SAYSD1: variants seen among roughly 807,000 people sequenced by gnomAD.
The protein encoded by SAYSD1 is SAYSvFN domain-containing protein 1.
In SAYSD1, 15 loss-of-function variants were observed where a neutral mutation model predicts 14.5. The observed-to-expected ratio is 1.03, with a 90% CI of 0.69 to 1.59. The LOEUF (loss-of-function observed/expected upper bound fraction) is 1.59, where lower values mean the gene tolerates loss of function less well. Ranked by LOEUF, SAYSD1 falls within the 40% of genes most tolerant of loss-of-function variation. SAYSD1 has a pLI of 0.00. For missense variants in SAYSD1, 247 were observed against 227.3 expected (o/e 1.09, Z -0.56); for synonymous variants, 105 against 102.6 (o/e 1.02, Z -0.14).
At chr6:39,105,940 G>A (rs999507377) in intron 1 of SAYSD1, among the ~76,000 whole-genome samples, 164 bp from the exon 2 acceptor site, 4 of 152,158 alleles carry the variant, frequency 2.6e-5, no homozygotes, top group Admixed American at 1.3e-4. Context: ...AAGAACCTAT[G>A]TGCTCTACTC....
intron 1 of SAYSD1, chr6:39,109,514 A>T: frequency 6.8e-7 from 1 of 1,462,884 alleles, no homozygotes; most frequent in South Asian, 1.4e-5. Context: ...GCTTGGCCCA[A>T]ATGGAGGCCG....
intron 1 of SAYSD1, among the ~76,000 whole-genome samples, chr6:39,108,155 G>T (rs1194382354): frequency 6.6e-6 from 1 of 152,136 alleles, no homozygotes; most frequent in Non-Finnish European, 1.5e-5. Flanking sequence ...AGTATAAAAA[G>T]AAGAATGTTC....
chr6:39,107,681 T>C (rs1769531069), intron 1 of SAYSD1, among the ~76,000 whole-genome samples: 1 of 152,232 alleles, frequency 6.6e-6, no homozygotes, highest in African/African-American at 2.4e-5. Flanking sequence ...TTCAGTTAGA[T>C]TAGAAAGTCT....
chr6:39,109,439 A>C, intron 1 of SAYSD1: 1 of 1,545,396 alleles, frequency 6.5e-7, no homozygotes, highest in Non-Finnish European at 8.7e-7. Context: ...ACTGCTGAAA[A>C]GATGCAGCGG....
intron 1 of SAYSD1, among the ~76,000 whole-genome samples, chr6:39,108,196 T>C (rs1322058883): frequency 6.6e-6 from 1 of 152,136 alleles, no homozygotes; most frequent in Non-Finnish European, 1.5e-5. Context: ...AGCCTTCCAA[T>C]GTATGAACTC....
chr6:39,110,175 A>G (rs1035839348), intron 1 of SAYSD1: 2 of 152,254 alleles, frequency 1.3e-5, no homozygotes, highest in Non-Finnish European at 2.9e-5. Context: ...TTGTGAATGA[A>G]TACTACAGTT....
intron 1 of SAYSD1, chr6:39,113,480 G>C (rs1345029338): frequency 2.6e-5 from 4 of 152,564 alleles, no homozygotes; most frequent in Non-Finnish European, 4.4e-5. Context: ...ACCCAGAAAT[G>C]ATAAGTCAAT....
Position 39,114,928 on chromosome 6 carries a change from C to T in SAYSD1, c.162G>A (p.Trp54Ter), listed in dbSNP as rs1379738743. The change falls in exon 1 of 2, where the codon TGG (tryptophan) becomes TGA (stop). Residue 54 changes from tryptophan (W) to a stop codon, truncating the protein, a stop_gained. Transcript: ENST00000229903. LOFTEE classifies it low-confidence loss of function (END_TRUNC). The stretch of plus-strand genomic sequence containing the variant: ...CCCGGGCACTCGCGGGCCTAGGTTT[C>T]CATACCAGGAACCGCTTTAGCCAGC... ...APGWLKRFLV[W>*]KPRPASARAQ... is the part of the protein sequence containing the mutation. The T allele has an allele frequency of 5.6e-6, 9 of 1,613,440 alleles. No individual in the cohort carries two copies. The highest frequency in any genetic ancestry group is 3.3e-5 in the Admixed American group (2 of 60,014).
At chr6:39,106,642 C>G (rs1352311733) in intron 1 of SAYSD1, among the ~76,000 whole-genome samples, 1 of 152,244 alleles carries the variant, frequency 6.6e-6, no homozygotes. Context: ...TGTCTCCTAA[C>G]TAGACTCCCT....
At chr6:39,106,449 C>A (rs1052696612) in intron 1 of SAYSD1, among the ~76,000 whole-genome samples, 7 of 152,158 alleles carry the variant, frequency 4.6e-5, no homozygotes, top group African/African-American at 1.7e-4. Context: ...ATCGCTCAAA[C>A]CTGGGAGGCG....
intron 1 of SAYSD1, among the ~76,000 whole-genome samples, chr6:39,110,144 G>A (rs1769598406): frequency 6.6e-6 from 1 of 152,076 alleles, no homozygotes; most frequent in Non-Finnish European, 1.5e-5. Context: ...CAGTATATGT[G>A]CACAGCTGAA....
At chr6:39,109,208 T>G in intron 1 of SAYSD1, 2 of 1,042,320 alleles carry the variant, frequency 1.9e-6, no homozygotes, top group Non-Finnish European at 1.5e-6. Context: ...GAGTGGTGGA[T>G]GGGTATGGGA....
chr6:39,105,455 A>C lies in SAYSD1; in HGVS notation c.529T>G (p.Leu177Val). Residue 177 changes from leucine to valine, a missense_variant, in exon 2 of 2, where the codon TTG becomes GTG. Transcript: ENST00000229903. ...TCCTATCTCCCTGCCAGGGGTCTCA[A>C]CTGTAACTCGCGCTCCAACTGCTCT... ...TAEQLERELQ[L>V]RPLAGR The C allele has an allele frequency of 6.2e-7, 1 of 1,614,222 alleles. No homozygotes were observed. Among genetic ancestry groups the C allele is most frequent in the Non-Finnish European group, 8.5e-7 (1 of 1,180,032 alleles).
intron 1 of SAYSD1, chr6:39,113,796 A>G (rs1269671368): frequency 1.3e-5 from 2 of 152,246 alleles, no homozygotes; most frequent in Non-Finnish European, 2.9e-5. Context: ...GTTCTAGTCA[A>G]CAATAAAATT....
intron 1 of SAYSD1, among the ~76,000 whole-genome samples, chr6:39,108,652 T>G (rs1769550032): frequency 6.6e-6 from 1 of 152,120 alleles, no homozygotes; most frequent in South Asian, 2.1e-4. Flanking sequence ...CACTTGTGGT[T>G]CCCTCTGAGA....
At chr6:39,114,081 GCACTTA>G (rs537962962) in intron 1 of SAYSD1, among the ~76,000 whole-genome samples, 316 of 152,236 alleles carry the variant, frequency 2.1e-3, no homozygotes, top group African/African-American at 7.2e-3. Context: ...AGTTCTTATT[GCACTTA>G]TGAGGAACAA....
chr6:39,109,687 C>T (rs1040899889), intron 1 of SAYSD1: 10 of 997,952 alleles, frequency 1.0e-5, no homozygotes, highest in Non-Finnish European at 8.7e-6. Flanking sequence ...GTGGGACTTC[C>T]TCTACCAGGC....
chr6:39,109,333 T>A, intron 1 of SAYSD1: 1 of 1,551,090 alleles, frequency 6.4e-7, no homozygotes, highest in Non-Finnish European at 8.7e-7. Flanking sequence ...TGTCCTAATG[T>A]GGAAGAAGCT....
intron 1 of SAYSD1, chr6:39,109,364 A>G (rs945142137): frequency 5.6e-5 from 87 of 1,550,808 alleles, no homozygotes; most frequent in Non-Finnish European, 7.5e-5. Context: ...TTATTTCAGG[A>G]AACTGCTTTT....
Sources: gnomAD v4.1 joint callset for allele counts (sites outside exome capture counted in the v4.1 genomes callset) on GRCh38, gnomAD v4.1.1 for gene constraint, MANE v1.5 for transcripts, NCBI Gene and HGNC (gene_info 2026-07-23, HGNC 2026-07-21) for gene names.